The following NCKAP1L variants were observed in gnomAD, a reference collection of about 807,000 sequenced individuals.
NCKAP1L encodes the protein NCK associated protein 1 like, also known as nck-associated protein 1-like.
A neutral mutation model predicts 139.2 loss-of-function variants in NCKAP1L; 53 were observed. The observed-to-expected ratio is 0.38, with a 90% CI of 0.31 to 0.48. NCKAP1L has a LOEUF of 0.48. Among genes scored for constraint, NCKAP1L ranks in the 20% least tolerant of loss-of-function variants. NCKAP1L has a pLI of 0.98. For missense variants in NCKAP1L, 1,151 were observed against 1,381.9 expected (o/e 0.83, Z 2.65); for synonymous variants, 468 against 499.7 (o/e 0.94, Z 0.85).
chr12:54,536,415 T>C, intron 28 of NCKAP1L, 170 bp downstream of exon 28: 2 of 529,768 alleles, frequency 3.8e-6, no homozygotes, highest in Non-Finnish European at 6.8e-6. Context: ...ATCCTAGCAC[T>C]TTGGGAGGCC....
At chr12:54,509,608 C>T in intron 5 of NCKAP1L, 61 bp from the exon 6 acceptor site, 1 of 1,168,732 alleles carries the variant, frequency 8.6e-7, no homozygotes, top group Non-Finnish European at 1.3e-6. Context: ...TATATGCAAA[C>T]ATAAGAGTTC....
At position 54,507,842 on chromosome 12, in the gene NCKAP1L, T is replaced by C; in HGVS notation, c.307-11T>C. The C allele has an allele frequency of 6.2e-7, 1 of 1,613,070 alleles. No individual in the cohort carries two copies. The highest frequency in any genetic ancestry group is 8.5e-7 in the Non-Finnish European group (1 of 1,179,026). On this transcript the variant is annotated splice_polypyrimidine_tract_variant and intron_variant, in intron 3 of 30. Coordinates refer to ENST00000293373, the MANE Select transcript of NCKAP1L (RefSeq NM_005337.5). The stretch of plus-strand genomic sequence containing the variant: ...TTTTTTATTAATTCTTGTCTTCACT[T>C]CCACCCCCAGGATCATGTATATGAA...
At chr12:54,520,929 C>A in intron 17 of NCKAP1L, 103 bp downstream of exon 17, 1 of 1,525,194 alleles carries the variant, frequency 6.6e-7, no homozygotes, top group Non-Finnish European at 9.1e-7. Context: ...AGGGTATAAA[C>A]ATAGATGTAT....
chr12:54,528,409 A>G (rs1345539495), intron 22 of NCKAP1L, 32 bp downstream of exon 22: 2 of 1,606,884 alleles, frequency 1.2e-6, no homozygotes, highest in South Asian at 1.1e-5. Flanking sequence ...CTTGTCAAGG[A>G]GCTGAGCCCT....
Position 54,532,187 on chromosome 12 carries a change from C to T in NCKAP1L, c.2799C>T (p.Cys933=), listed in dbSNP as rs777659972. 2 of 1,612,970 alleles carry T rather than the reference C, an allele frequency of 1.2e-6. No individual in the cohort carries two copies. The highest frequency in any genetic ancestry group is 1.7e-6 in the Non-Finnish European group (2 of 1,179,386). Residue 933 remains cysteine (C), a synonymous_variant, in exon 26 of 31, where the codon TGC becomes TGT. Coordinates refer to ENST00000293373, the MANE Select transcript of NCKAP1L (RefSeq NM_005337.5). ...EGLREVFSSH[C]PFLMGPIECL... is the part of the protein sequence containing the mutation. ...TCCTCCAGGTTTTCTCCTCCCACTG[C>T]CCATTTCTTATGGGTCCCATTGAGT... is the stretch of plus-strand genomic sequence containing the variant.
intron 1 of NCKAP1L, among the ~76,000 whole-genome samples, chr12:54,498,150 G>C (rs562168928): frequency 7.1e-4 from 108 of 152,216 alleles, no homozygotes; most frequent in Admixed American, 2.7e-3. Flanking sequence ...GGATGGGGGT[G>C]AGGGTGGGGA....
At position 54,525,793 on chromosome 12, in the gene NCKAP1L, T is replaced by G. The variant is rs150302659; in HGVS notation, c.2157-735T>G. Among the ~76,000 whole-genome samples, 1,497 of 152,200 alleles carry G rather than the reference T, an allele frequency of 9.8e-3. 14 individuals carry two copies. The highest frequency in any genetic ancestry group is 0.037 in the Middle Eastern group (11 of 294). On this transcript the variant is annotated intron_variant, in intron 20 of 30. Transcript: ENST00000293373. ...AACACAAAACAAACAAAAAACTACC[T>G]CTTTCCTCTGTGGTTTACATTTTAA...
rs1957205082 is a variant in NCKAP1L, at chr12:54,547,404, A to G, written c.*4719A>G. ...TATTTTTATTTTTACTTTTTCCATC[A>G]AACTGTGTTGTCTATGAAGTTTTCC... On this transcript the variant is annotated 3_prime_UTR_variant, in exon 31 of 31. Transcript: ENST00000293373. The G allele has an allele frequency of 1.3e-5, 2 of 152,042 alleles. No homozygotes were observed. The highest frequency in any genetic ancestry group is 2.1e-4 in the South Asian group (1 of 4,830). The allele number at this position is 152,042 out of a possible 1,614,324, so 9.4% of individuals were successfully genotyped here.
chr12:54,514,889 C>T (rs1956918612), intron 9 of NCKAP1L, among the ~76,000 whole-genome samples: 1 of 152,160 alleles, frequency 6.6e-6, no homozygotes, highest in South Asian at 2.1e-4. Flanking sequence ...AAAAAACTTT[C>T]TGATGATTAC....
Position 54,512,035 on chromosome 12 carries a change from A to G in NCKAP1L, c.871A>G (p.Ile291Val). The change falls in exon 9 of 31, where the codon ATC becomes GTC. Residue 291 changes from isoleucine to valine, a missense_variant. Ile to Val is a conservative substitution (Grantham distance 29). Transcript: ENST00000293373. ...GCTGTGTCTGCAGGGCTCCCTCTAC[A>G]TCACCCTTATCCGTGAGGATGTGCT... ...WKLCLQGSLYITLIREDVLQV... is the reference protein window; with the variant it reads ...WKLCLQGSLYVTLIREDVLQV... The G allele has an allele frequency of 1.2e-6, 2 of 1,614,174 alleles. No individual in the cohort carries two copies. The highest frequency in any genetic ancestry group is 1.7e-6 in the Non-Finnish European group (2 of 1,180,026).
intron 10 of NCKAP1L, 99 bp downstream of exon 10, chr12:54,516,394 A>T: frequency 9.0e-7 from 1 of 1,111,988 alleles, no homozygotes; most frequent in Non-Finnish European, 1.4e-6. Flanking sequence ...GTACAGCTTT[A>T]TTGCCTCAAC....
chr12:54,522,781 C>CT (rs1956994755), intron 18 of NCKAP1L, among the ~76,000 whole-genome samples: 1 of 152,176 alleles, frequency 6.6e-6, no homozygotes, highest in Non-Finnish European at 1.5e-5. Flanking sequence ...GGAGAGAATT[C>CT]CAGTCACCCT....
chr12:54,539,274 T>C (rs1250627644), intron 30 of NCKAP1L, among the ~76,000 whole-genome samples: 1 of 152,226 alleles, frequency 6.6e-6, no homozygotes, highest in Non-Finnish European at 1.5e-5. Flanking sequence ...GCTGTGCCCG[T>C]TATTGGTAAT....
intron 9 of NCKAP1L, among the ~76,000 whole-genome samples, chr12:54,513,968 A>ATGTGTGTGTGTGTGTGTG (rs61519403): frequency 6.7e-6 from 1 of 148,700 alleles, no homozygotes; most frequent in Non-Finnish European, 1.5e-5. Flanking sequence ...CATCCTTCAG[A>ATGTGTGTGTGTGTGTGTG]TGTGTGTGTG....
At position 54,523,500 on chromosome 12, in the gene NCKAP1L, G is replaced by A. The variant is rs1220391868; in HGVS notation, c.1985G>A (p.Gly662Glu). ...RKGEPERDKP[G>E]AESHRKNRSI... Reference sequence around the variant, plus strand: ...GGAGAGCCCGAGAGGGACAAGCCAGGAGCTGAGAGTCACCGGAAGAACCGC... The same window carrying A: ...GGAGAGCCCGAGAGGGACAAGCCAGAAGCTGAGAGTCACCGGAAGAACCGC... The change falls in exon 19 of 31, where the codon GGA becomes GAA. Residue 662 changes from glycine (G) to glutamate (E), a missense_variant. Gly to Glu is a moderately conservative substitution (Grantham distance 98). Coordinates refer to ENST00000293373, the MANE Select transcript of NCKAP1L (RefSeq NM_005337.5). 3 of 1,613,948 alleles carry A rather than the reference G, an allele frequency of 1.9e-6. No individual in the cohort carries two copies. The Admixed American group carries it at 5.0e-5, about 27-fold the overall frequency.
chr12:54,497,957 G>A (rs1007987795), intron 1 of NCKAP1L, 66 bp downstream of exon 1: 49 of 1,002,038 alleles, frequency 4.9e-5, no homozygotes, highest in Middle Eastern at 4.1e-4. Flanking sequence ...ACCCTGAGGC[G>A]GCAGGTGCAG....
At chr12:54,518,026 C>A (rs1362225513) in intron 13 of NCKAP1L, 88 bp downstream of exon 13, 2 of 1,514,058 alleles carry the variant, frequency 1.3e-6, no homozygotes, top group Non-Finnish European at 9.1e-7. Context: ...GAATCTCATG[C>A]TCTGTAAGTT....
Position 54,509,717 on chromosome 12 carries a change from C to T in NCKAP1L, c.555C>T (p.His185=). The T allele has an allele frequency of 1.2e-6, 2 of 1,614,178 alleles. No homozygotes were observed. Among genetic ancestry groups the T allele is most frequent in the Non-Finnish European group, 1.7e-6 (2 of 1,180,028 alleles). The change falls in exon 6 of 31, where the codon CAC becomes CAT. Residue 185 remains histidine (H), a synonymous_variant. Transcript: ENST00000293373. ...GTCAGATGGTCTTGGAGTATGACCA[C>T]CCTCTGAAGAAGCTGACAGAAGAGT... The part of the protein sequence containing the change: ...RLGQMVLEYD[H]PLKKLTEEFG...
At position 54,499,398 on chromosome 12, in the gene NCKAP1L, A is replaced by C. The variant is rs1210445950; in HGVS notation, c.146A>C (p.Lys49Thr). 1.9e-6 allele frequency: 3 copies of C among 1,612,652 alleles called. No individual in the cohort carries two copies. In the South Asian group the frequency reaches 3.3e-5, roughly 18 times the overall value. ...TCTAAGCCACCTTTCTTACTGGAAA[A>C]GTCCATGGAACCATCTCTCAAGTAT... ...PKSKPPFLLE[K>T]SMEPSLKYIN... is the part of the protein sequence containing the mutation. The change falls in exon 2 of 31, where the codon AAG becomes ACG. Residue 49 changes from lysine (K) to threonine (T), a missense_variant. Coordinates refer to ENST00000293373, the MANE Select transcript of NCKAP1L (RefSeq NM_005337.5).
Sources: gnomAD v4.1 joint callset for allele counts (sites outside exome capture counted in the v4.1 genomes callset) on GRCh38, gnomAD v4.1.1 for gene constraint, MANE v1.5 for transcripts, NCBI Gene and HGNC (gene_info 2026-07-23, HGNC 2026-07-21) for gene names.